The following ATP5F1C variants were observed in gnomAD, a reference collection of about 807,000 sequenced individuals.
The protein encoded by ATP5F1C is ATP synthase F(1) complex subunit gamma, mitochondrial.
ATP5F1C carries 22 observed loss-of-function variants against 37.4 expected under a neutral mutation model. The observed-to-expected ratio is 0.59, with a 90% confidence interval of 0.42 to 0.84. ATP5F1C has a LOEUF of 0.84. Ranked by LOEUF, ATP5F1C falls within the 40% of genes least tolerant of loss-of-function variation. The probability of loss-of-function intolerance (pLI) is 0.00; values close to 1 mark genes in which losing one functional copy is unlikely to be tolerated. For missense variants in ATP5F1C, 286 were observed against 362.4 expected, an observed-to-expected ratio of 0.79 and a Z score of 1.71; for synonymous variants, 121 against 128.0, an observed-to-expected ratio of 0.95 and a Z score of 0.37.
In ATP5F1C at chr10:7,799,834, G is replaced by A. The variant is rs1257251884; in HGVS notation, c.491G>A (p.Gly164Glu). 7.4e-6 allele frequency: 12 copies of A among 1,614,046 alleles called. No individual in the cohort carries two copies. The highest frequency in any genetic ancestry group is 1.0e-5 in the Non-Finnish European group (12 of 1,180,032). Residue 164 changes from glycine (G) to glutamate (E), a missense_variant, in exon 5 of 10, where the codon GGA becomes GAA. Physicochemically the swap from Gly to Glu is moderately conservative, Grantham distance 98. Coordinates refer to ENST00000356708, the MANE Select transcript of ATP5F1C (RefSeq NM_001001973.3). ...GTGGGAAGAAAGCCCCCCACTTTTGGAGATGCGTCAGTCATTGCCCTTGAA... is the reference window on the plus strand; with the variant it reads ...GTGGGAAGAAAGCCCCCCACTTTTGAAGATGCGTCAGTCATTGCCCTTGAA... The part of the protein sequence containing the change: ...KEVGRKPPTF[G>E]DASVIALELL...
chr10:7,802,351 A>G lies in ATP5F1C; in HGVS notation c.719A>G (p.Tyr240Cys). The G allele has an allele frequency of 6.2e-7, 1 of 1,614,046 alleles. No individual in the cohort carries two copies. Among genetic ancestry groups the G allele is most frequent in the South Asian group, 1.1e-5 (1 of 91,072 alleles). The change falls in exon 7 of 10, where the codon TAC becomes TGC. Residue 240 changes from tyrosine to cysteine, a missense_variant. Transcript: ENST00000356708. ...TACAATCTGGCCAACATCATCTACT[A>G]CTCTCTGAAGGAGTCCACCACTAGT... ...QEYNLANIIY[Y>C]SLKESTTSEQ... is the part of the protein sequence containing the mutation.
intron 2 of ATP5F1C, chr10:7,796,454 T>TA: frequency 4.3e-6 from 1 of 232,378 alleles, no homozygotes; most frequent in Non-Finnish European, 8.3e-6. Flanking sequence ...TATATATAAA[T>TA]AATGTTATGG....
At chr10:7,790,581 C>G (rs1836147056) in intron 1 of ATP5F1C, among the ~76,000 whole-genome samples, 1 of 152,092 alleles carries the variant, frequency 6.6e-6, no homozygotes, top group Admixed American at 6.6e-5. Flanking sequence ...GATGGCATTT[C>G]AGGAGAGAAA....
At chr10:7,804,118 A>C (rs780181595) in intron 8 of ATP5F1C, 1 of 518,912 alleles carries the variant, frequency 1.9e-6, no homozygotes, top group Non-Finnish European at 3.8e-6. Context: ...TGTGGCCTGG[A>C]GCTAAGAATG....
intron 9 of ATP5F1C, among the ~76,000 whole-genome samples, 154 bp downstream of exon 9, chr10:7,807,164 A>T (rs745703814): frequency 2.0e-5 from 3 of 152,212 alleles, no homozygotes; most frequent in African/African-American, 4.8e-5. Context: ...CACCTGGGCA[A>T]CGCTAGTGGA....
chr10:7,788,372 T>C, intron 1 of ATP5F1C, 109 bp downstream of exon 1: 2 of 1,438,966 alleles, frequency 1.4e-6, no homozygotes, highest in Non-Finnish European at 1.9e-6. Flanking sequence ...TCGCAGGGCC[T>C]AGCTGGGCCC....
chr10:7,793,503 G>T (rs1157407168), intron 1 of ATP5F1C, among the ~76,000 whole-genome samples: 1 of 152,176 alleles, frequency 6.6e-6, no homozygotes, highest in African/African-American at 2.4e-5. Context: ...CATTTTAAGA[G>T]TTGTTTGTTT....
chr10:7,794,560 T>A (rs1244415), intron 1 of ATP5F1C, among the ~76,000 whole-genome samples: 54,043 of 151,370 alleles, frequency 0.36, 9,712 homozygotes, highest in South Asian at 0.47. Flanking sequence ...GAGAGACTTT[T>A]TCATGACTGG....
chr10:7,796,156 G>A lies in ATP5F1C; in HGVS notation c.91+1G>A, dbSNP rs111826512. The A allele has an allele frequency of 6.3e-7, 1 of 1,587,230 alleles. No homozygotes were observed. Among genetic ancestry groups the A allele is most frequent in the Non-Finnish European group, 8.5e-7 (1 of 1,171,468 alleles). ...CGAAATATGGCAACTTTGAAAGATA[G>A]TAAGTATGTTGTTTGTCTCAATATG... is the stretch of plus-strand genomic sequence containing the variant. On this transcript the variant is annotated splice_donor_variant, in intron 2 of 9. Coordinates refer to ENST00000356708, the MANE Select transcript of ATP5F1C (RefSeq NM_001001973.3). LOFTEE classifies it high-confidence loss of function.
intron 3 of ATP5F1C, among the ~76,000 whole-genome samples, chr10:7,798,151 A>G (rs181166450): frequency 1.3e-5 from 2 of 152,164 alleles, no homozygotes; most frequent in African/African-American, 4.8e-5. Flanking sequence ...CTATTTATCT[A>G]CCAAATCCTC....
chr10:7,800,160 C>T, intron 6 of ATP5F1C, 69 bp downstream of exon 6: 1 of 1,432,836 alleles, frequency 7.0e-7, no homozygotes, highest in Non-Finnish European at 9.8e-7. Flanking sequence ...CTAAGGCAGA[C>T]AGTGTCAAGA....
chr10:7,792,346 C>A (rs1324034983), intron 1 of ATP5F1C, among the ~76,000 whole-genome samples: 1 of 152,196 alleles, frequency 6.6e-6, no homozygotes, highest in African/African-American at 2.4e-5. Context: ...GATCACACCA[C>A]TGCACTATAG....
chr10:7,790,229 G>T (rs998860414), intron 1 of ATP5F1C, among the ~76,000 whole-genome samples: 13 of 152,166 alleles, frequency 8.5e-5, no homozygotes, highest in African/African-American at 3.1e-4. Flanking sequence ...CTTCTGTCTT[G>T]ATTACTGGAA....
At chr10:7,794,578 A>C (rs552450600) in intron 1 of ATP5F1C, among the ~76,000 whole-genome samples, 4 of 150,126 alleles carry the variant, frequency 2.7e-5, no homozygotes, top group African/African-American at 9.8e-5. Context: ...TGGGTGTTAG[A>C]TTTTGTTGGA....
chr10:7,803,312 T>C (rs1256332316), intron 8 of ATP5F1C, among the ~76,000 whole-genome samples: 1 of 152,138 alleles, frequency 6.6e-6, no homozygotes, highest in Non-Finnish European at 1.5e-5. Flanking sequence ...CATCCCTCAG[T>C]ATCTGCAGTG....
At chr10:7,804,321 A>G (rs1039077884) in intron 8 of ATP5F1C, among the ~76,000 whole-genome samples, 2 of 152,184 alleles carry the variant, frequency 1.3e-5, no homozygotes, top group Non-Finnish European at 2.9e-5. Flanking sequence ...ATGTGATCCT[A>G]TATTTTCTGG....
In ATP5F1C at chr10:7,788,195, G is replaced by C; in HGVS notation, c.-13G>C. On this transcript the variant is annotated 5_prime_UTR_variant, in exon 1 of 10. Coordinates refer to ENST00000356708, the MANE Select transcript of ATP5F1C (RefSeq NM_001001973.3). ...GGCCTGCCTGACCGACCTTCAGCAG[G>C]GCTGTGGCTACCATGTTCTCTCGCG... 6.2e-7 allele frequency: 1 copy of C among 1,613,076 alleles called. No homozygotes were observed. Among genetic ancestry groups the C allele is most frequent in the Non-Finnish European group, 8.5e-7 (1 of 1,179,886 alleles).
At chr10:7,796,005 T>C in intron 1 of ATP5F1C, 116 bp from the exon 2 acceptor site, 1 of 759,896 alleles carries the variant, frequency 1.3e-6, no homozygotes, top group Non-Finnish European at 2.1e-6. Context: ...CTGTATTTGA[T>C]AGATTGTTTC....
intron 6 of ATP5F1C, among the ~76,000 whole-genome samples, chr10:7,801,320 G>A (rs535262811): frequency 1.1e-4 from 16 of 152,234 alleles, no homozygotes; most frequent in African/African-American, 3.1e-4. Context: ...TAAAGTAGGT[G>A]TTACAACCAG....
Sources: gnomAD v4.1 joint callset for allele counts (sites outside exome capture counted in the v4.1 genomes callset) on GRCh38, gnomAD v4.1.1 for gene constraint, MANE v1.5 for transcripts, NCBI Gene and HGNC (gene_info 2026-07-23, HGNC 2026-07-21) for gene names.